The following SPOCK1 variants were observed in gnomAD, a reference collection of about 807,000 sequenced individuals.
SPOCK1 encodes testican-1.
A neutral mutation model predicts 55.3 loss-of-function variants in SPOCK1; 23 were observed. The ratio of observed to expected loss-of-function variants is 0.42; its 90% confidence interval spans 0.30 to 0.59. The LOEUF is 0.59. SPOCK1 is among the 20% of genes least tolerant of loss of function. The pLI is 0.22. For missense variants in SPOCK1, 499 were observed against 552.5 expected (o/e 0.90, Z 0.97); for synonymous variants, 226 against 221.0 (o/e 1.02, Z -0.20).
At chr5:137,050,901 A>G (rs1752192953) in intron 6 of SPOCK1, among the ~76,000 whole-genome samples, 2 of 152,230 alleles carry the variant, frequency 1.3e-5, no homozygotes, top group Non-Finnish European at 2.9e-5. Context: ...GTATTCTGAA[A>G]GAAAACTGCA....
chr5:137,099,648 G>T (rs1389089847), intron 5 of SPOCK1, among the ~76,000 whole-genome samples: 3 of 148,136 alleles, frequency 2.0e-5, no homozygotes, highest in Non-Finnish European at 4.5e-5. Flanking sequence ...ACATGTGTGT[G>T]TATGTGTATG....
chr5:137,138,711 C>A (rs1287271569), intron 4 of SPOCK1, among the ~76,000 whole-genome samples: 8 of 148,086 alleles, frequency 5.4e-5, no homozygotes, highest in Non-Finnish European at 7.4e-5. Context: ...ACCCCCCCCC[C>A]CCAAAAAAAA....
intron 6 of SPOCK1, among the ~76,000 whole-genome samples, chr5:137,060,814 A>G (rs2127002677): frequency 6.6e-6 from 1 of 152,248 alleles, no homozygotes; most frequent in Middle Eastern, 3.4e-3. Flanking sequence ...ACTTGCTATC[A>G]AATAGACTTC....
chr5:137,182,654 C>T (rs1754992452), intron 3 of SPOCK1, among the ~76,000 whole-genome samples: 2 of 152,082 alleles, frequency 1.3e-5, no homozygotes, highest in South Asian at 4.1e-4. Flanking sequence ...TCTGGGTTTG[C>T]CTGCCAGACT....
intron 3 of SPOCK1, among the ~76,000 whole-genome samples, chr5:137,157,046 C>T (rs1467120323): frequency 6.6e-6 from 1 of 152,124 alleles, no homozygotes; most frequent in Non-Finnish European, 1.5e-5. Context: ...CCCATGGCTG[C>T]CTCCATCCTG....
At chr5:137,315,479 G>A (rs916188538) in intron 2 of SPOCK1, among the ~76,000 whole-genome samples, 1 of 152,182 alleles carries the variant, frequency 6.6e-6, no homozygotes, top group Non-Finnish European at 1.5e-5. Context: ...TTTGATACAT[G>A]AGAAGCAGTA....
intron 2 of SPOCK1, among the ~76,000 whole-genome samples, chr5:137,466,976 C>A (rs1753635493): frequency 6.6e-6 from 1 of 152,236 alleles, no homozygotes. Context: ...GGAGCCACTT[C>A]ACAGTCCACT....
chr5:137,343,609 C>A (rs748068467), intron 2 of SPOCK1, among the ~76,000 whole-genome samples: 1 of 152,328 alleles, frequency 6.6e-6, no homozygotes, highest in East Asian at 1.9e-4. Flanking sequence ...CTCTCAGCCC[C>A]GTTGTATGAA....
At chr5:137,473,878 G>A (rs965308256) in intron 2 of SPOCK1, among the ~76,000 whole-genome samples, 3 of 152,078 alleles carry the variant, frequency 2.0e-5, no homozygotes, top group African/African-American at 7.2e-5. Flanking sequence ...AAGAAACTGT[G>A]GTGTATATAT....
At chr5:137,029,180 T>C (rs980683904) in intron 6 of SPOCK1, among the ~76,000 whole-genome samples, 3 of 152,208 alleles carry the variant, frequency 2.0e-5, no homozygotes, top group African/African-American at 7.2e-5. Flanking sequence ...TGATAAGCTA[T>C]CTTGGTTTTG....
At chr5:137,200,619 A>C (rs1755406781) in intron 3 of SPOCK1, among the ~76,000 whole-genome samples, 1 of 152,196 alleles carries the variant, frequency 6.6e-6, no homozygotes. Context: ...ATGAATTTAC[A>C]AATTTGAATC....
rs758452849 is a variant in SPOCK1 at position 137,266,962 on chromosome 5, G to A, written c.232+48C>T. ...TCAGCATGCAAGGAAGGAAAAATGA[G>A]ACCACATTTACCACAGACTATACAG... On this transcript the variant is annotated intron_variant, in intron 3 of 10. Transcript: ENST00000394945. 41 of 1,541,052 alleles carry A rather than the reference G, an allele frequency of 2.7e-5. No homozygotes were observed. In the South Asian group the frequency reaches 3.9e-4, roughly 15 times the overall value.
intron 5 of SPOCK1, among the ~76,000 whole-genome samples, chr5:137,093,567 T>A (rs1416414292): frequency 6.6e-6 from 1 of 152,082 alleles, no homozygotes; most frequent in South Asian, 2.1e-4. Context: ...GTAATTGGTA[T>A]GAAGAAAGCA....
intron 2 of SPOCK1, among the ~76,000 whole-genome samples, chr5:137,447,448 T>C (rs1284921508): frequency 6.6e-6 from 1 of 152,216 alleles, no homozygotes; most frequent in African/African-American, 2.4e-5. Flanking sequence ...CTTTCTCAAA[T>C]ATCTAGAAAA....
At chr5:137,108,784 G>C (rs753796992) in intron 5 of SPOCK1, among the ~76,000 whole-genome samples, 1 of 152,182 alleles carries the variant, frequency 6.6e-6, no homozygotes, top group African/African-American at 2.4e-5. Flanking sequence ...GCCAGGCCCA[G>C]CAGTATGTAT....
In SPOCK1 at chr5:137,150,110, C is replaced by T. The variant is rs543584809; in HGVS notation, c.233-9416G>A. Among the ~76,000 whole-genome samples the T allele has an allele frequency of 2.0e-5, 3 of 152,306 alleles. No homozygotes were observed. The South Asian group carries it at 6.2e-4, about 32-fold the overall frequency. On this transcript the variant is annotated intron_variant, in intron 3 of 10. Coordinates refer to ENST00000394945, the MANE Select transcript of SPOCK1 (RefSeq NM_004598.4). ...CAAGGGACCCTGGACACTTCAGAAACACAAGATCCTGGAGCCATAATTCTG... is the reference window on the plus strand; with the variant it reads ...CAAGGGACCCTGGACACTTCAGAAATACAAGATCCTGGAGCCATAATTCTG...
chr5:137,440,979 G>T (rs1309614350), intron 2 of SPOCK1, among the ~76,000 whole-genome samples: 1 of 152,092 alleles, frequency 6.6e-6, no homozygotes, highest in Non-Finnish European at 1.5e-5. Flanking sequence ...ACTGTTGGAG[G>T]GCAGTAATAG....
At chr5:137,276,397 T>A (rs1757068655) in intron 2 of SPOCK1, among the ~76,000 whole-genome samples, 1 of 152,222 alleles carries the variant, frequency 6.6e-6, no homozygotes, top group South Asian at 2.1e-4. Flanking sequence ...TGCTGTGTGA[T>A]CTGCAGCCCC....
intron 2 of SPOCK1, among the ~76,000 whole-genome samples, chr5:137,432,856 G>A (rs1028970343): frequency 5.3e-5 from 8 of 152,000 alleles, no homozygotes; most frequent in Middle Eastern, 3.2e-3. Flanking sequence ...TCAGTAACTC[G>A]GTAAGTTGTC....
Sources: allele counts gnomAD v4.1 joint callset (sites outside exome capture counted in the v4.1 genomes callset), GRCh38; gene constraint gnomAD v4.1.1; transcripts MANE v1.5; gene names NCBI Gene and HGNC (gene_info 2026-07-23, HGNC 2026-07-21).